Variants in DNAH17 observed in about 807,000 individuals in gnomAD.
DNAH17 encodes the protein dynein axonemal heavy chain 17, also known as axonemal beta dynein heavy chain 17.
DNAH17 carries 376 observed loss-of-function variants against 485.6 expected under a neutral mutation model. The observed-to-expected ratio is 0.77, with a 90% CI of 0.71 to 0.84. The LOEUF is 0.84. DNAH17 is among the 40% of genes least tolerant of loss of function. The probability of loss-of-function intolerance (pLI) is 0.00; values close to 1 mark genes in which losing one functional copy is unlikely to be tolerated. For missense variants in DNAH17, 6,370 were observed against 5,839.3 expected (o/e 1.09, Z -2.96); for synonymous variants, 3,031 against 2,405.9 (o/e 1.26, Z -7.60).
intron 16 of DNAH17, among the ~76,000 whole-genome samples, chr17:78,544,780 C>G (rs947887000): frequency 2.3e-5 from 2 of 88,818 alleles, no homozygotes; most frequent in East Asian, 4.4e-4. Flanking sequence ...CAGCCTGGGG[C>G]ACAGAGCGAG....
chr17:78,478,936 A>G, intron 51 of DNAH17, 89 bp downstream of exon 51: 1 of 1,070,378 alleles, frequency 9.3e-7, no homozygotes, highest in Admixed American at 2.1e-5. Flanking sequence ...ATCAGTCCAC[A>G]CCTCCCTGAG....
chr17:78,425,546 A>AAGTC lies in DNAH17; in HGVS notation c.12937_12940dup (p.Phe4314Ter). 1.9e-6 allele frequency: 3 copies of AAGTC among 1,612,800 alleles called. No homozygotes were observed. The highest frequency in any genetic ancestry group is 2.5e-6 in the Non-Finnish European group (3 of 1,179,300). On this transcript the variant is annotated stop_gained and frameshift_variant, in exon 80 of 81. Transcript: ENST00000389840. LOFTEE classifies it high-confidence loss of function. The stretch of plus-strand genomic sequence containing the variant: ...CAGCCACACGGTGGTGGGCAGGGCA[A>AAGTC]AGTCTGTCGTCCAGGCCTCGAGTTC...
Position 78,549,920 on chromosome 17 carries a change from C to T in DNAH17, c.2391+1615G>A, listed in dbSNP as rs1345344502. Among the ~76,000 whole-genome samples, 4 of 152,238 alleles carry T rather than the reference C, an allele frequency of 2.6e-5. No homozygotes were observed. The East Asian group carries it at 7.7e-4, about 29-fold the overall frequency. ...GGCCTGGTTTCTGGATTTAACAGTTCAGTAGAGGAGAGAGAGAGAACAGCC... is the reference window on the plus strand; with the variant it reads ...GGCCTGGTTTCTGGATTTAACAGTTTAGTAGAGGAGAGAGAGAGAACAGCC... On this transcript the variant is annotated intron_variant, in intron 16 of 80. Transcript: ENST00000389840.
chr17:78,442,078 A>C (rs865799296), intron 71 of DNAH17, among the ~76,000 whole-genome samples: 10 of 48,302 alleles, frequency 2.1e-4, no homozygotes, highest in Middle Eastern at 0.016. Context: ...GCGAGACTCC[A>C]TCTCAGAAAA....
chr17:78,550,469 T>A (rs1368839050), intron 16 of DNAH17, among the ~76,000 whole-genome samples: 1 of 152,240 alleles, frequency 6.6e-6, no homozygotes, highest in Non-Finnish European at 1.5e-5. Context: ...TTTAAAGAGG[T>A]GCTTAAGTTA....
At position 78,551,658 on chromosome 17, in the gene DNAH17, G is replaced by A; in HGVS notation, c.2288-20C>T. ...ACACACCTAAAATGGAAATGTAGAG[G>A]AATCTTACAAAATGAACAATTCAGG... On this transcript the variant is annotated intron_variant, in intron 15 of 80. Coordinates refer to ENST00000389840, the MANE Select transcript of DNAH17 (RefSeq NM_173628.4). The A allele has an allele frequency of 1.2e-6, 2 of 1,611,536 alleles. No homozygotes were observed. The highest frequency in any genetic ancestry group is 1.7e-6 in the Non-Finnish European group (2 of 1,177,800).
chr17:78,449,943 TGA>T, intron 68 of DNAH17: 2 of 474,418 alleles, frequency 4.2e-6, no homozygotes, highest in South Asian at 5.4e-5. Context: ...CCCATAGTGC[TGA>T]GATGACAGGC....
Position 78,525,967 on chromosome 17 carries a change from C to T in DNAH17, c.3711+684G>A, listed in dbSNP as rs1047076106. ...TTCACATTTGCTAGAGCCTGTGAGG[C>T]GGAGGTGCAGGTGGGGCCGACCCAG... On this transcript the variant is annotated intron_variant, in intron 24 of 80. Transcript: ENST00000389840. 1.1e-4 allele frequency among the ~76,000 whole-genome samples: 17 copies of T among 152,332 alleles called. 1 individual carries two copies. Among genetic ancestry groups the T allele is most frequent in the South Asian group, 6.2e-4 (3 of 4,830 alleles).
chr17:78,461,821 G>A (rs960646881), intron 57 of DNAH17, 113 bp from the exon 58 acceptor site: 4 of 1,023,980 alleles, frequency 3.9e-6, no homozygotes, highest in Non-Finnish European at 5.6e-6. Flanking sequence ...GCAGGGCCGT[G>A]TCTTACGACT....
chr17:78,472,778 G>A (rs749339496), intron 54 of DNAH17: 3 of 453,714 alleles, frequency 6.6e-6, no homozygotes, highest in Non-Finnish European at 1.3e-5. Flanking sequence ...CCTTCTCGTC[G>A]CACCTGCCCA....
At chr17:78,494,264 G>C in intron 40 of DNAH17, 91 bp from the exon 41 acceptor site, 1 of 1,518,434 alleles carries the variant, frequency 6.6e-7, no homozygotes, top group Non-Finnish European at 8.8e-7. Context: ...CCCCGTGGGG[G>C]AGATGATAAA....
chr17:78,486,220 T>A lies in DNAH17; in HGVS notation c.7101+4A>T. ...TGGGTGGCCGGGCCCCCCAGGTGCA[T>A]CACCTGGTCCTGGAACATGGCGCCA... On this transcript the variant is annotated splice_donor_region_variant and intron_variant, in intron 45 of 80. Transcript: ENST00000389840. The A allele has an allele frequency of 6.3e-7, 1 of 1,587,270 alleles. No homozygotes were observed. The highest frequency in any genetic ancestry group is 8.6e-7 in the Non-Finnish European group (1 of 1,164,636).
rs2091949619 is a variant in DNAH17, at chr17:78,553,308, T to G, written c.2179-503A>C. Among the ~76,000 whole-genome samples the G allele has an allele frequency of 6.8e-5, 4 of 59,104 alleles. 1 individual carries two copies. Among genetic ancestry groups the G allele is most frequent in the African/African-American group, 2.1e-4 (4 of 19,372 alleles). 38.8% of individuals were successfully genotyped at this position (59,104 alleles called of 152,430 possible). On this transcript the variant is annotated intron_variant, in intron 14 of 80. Coordinates refer to ENST00000389840, the MANE Select transcript of DNAH17 (RefSeq NM_173628.4). ...GTTTTTTTTTTTTTTTTTTTTTTTT[T>G]TTTTTTTTTTTAAGATGGAGTCTCA...
At chr17:78,442,896 A>G (rs941801501) in intron 71 of DNAH17, among the ~76,000 whole-genome samples, 2 of 152,206 alleles carry the variant, frequency 1.3e-5, no homozygotes, top group African/African-American at 4.8e-5. Flanking sequence ...GCCTGACACG[A>G]GACACCCTTG....
At chr17:78,499,415 A>G (rs1002354836) in intron 36 of DNAH17, 8 of 195,618 alleles carry the variant, frequency 4.1e-5, no homozygotes, top group Non-Finnish European at 6.4e-5. Flanking sequence ...TAAACCTTGC[A>G]TGTTTTCTCA....
intron 66 of DNAH17, among the ~76,000 whole-genome samples, chr17:78,451,116 C>G (rs965439047): frequency 6.6e-6 from 1 of 152,240 alleles, no homozygotes; most frequent in Admixed American, 6.5e-5. Flanking sequence ...ATGCAAGTGG[C>G]TATAACAGCC....
At chr17:78,477,978 TCATCAC>T (rs202199542) in intron 51 of DNAH17, among the ~76,000 whole-genome samples, 2 of 118,000 alleles carry the variant, frequency 1.7e-5, no homozygotes, top group African/African-American at 3.9e-5. Flanking sequence ...ACCACCATCA[TCATCAC>T]CACCATCACC....
At position 78,572,840 on chromosome 17, in the gene DNAH17, C is replaced by G; in HGVS notation, c.400G>C (p.Val134Leu). 1.2e-6 allele frequency: 2 copies of G among 1,613,962 alleles called. No homozygotes were observed. The highest frequency in any genetic ancestry group is 1.1e-5 in the South Asian group (1 of 91,068). The change falls in exon 3 of 81, where the codon GTC becomes CTC. Residue 134 changes from valine to leucine, a missense_variant. Val to Leu is a conservative substitution (Grantham distance 32). Coordinates refer to ENST00000389840, the MANE Select transcript of DNAH17 (RefSeq NM_173628.4). Reference sequence around the variant, plus strand: ...ACCTGCTTCACGATGTCTTCCGAGACCACCTGGGGCCATCCAGCCATGTTC... The same window carrying G: ...ACCTGCTTCACGATGTCTTCCGAGAGCACCTGGGGCCATCCAGCCATGTTC... ...SENMAGWPQV[V>L]SEDIVKQVHR...
rs11290299 is a variant in DNAH17, at chr17:78,484,095, CAAAAAAAAAAAAAAAAA to C, written c.7649+756_7649+772del. Among the ~76,000 whole-genome samples the C allele has an allele frequency of 5.5e-4, 21 of 38,398 alleles. No individual in the cohort carries two copies. In the South Asian group the frequency reaches 0.016, roughly 29 times the overall value. 25.2% of individuals were successfully genotyped at this position (38,398 alleles called of 152,430 possible). On this transcript the variant is annotated intron_variant, in intron 48 of 80. Transcript: ENST00000389840. ...TGAGAGACAGAGCGAGATTTCTCCT[CAAAAAAAAAAAAAAAAA>C]AAAAAAAAAAAAAGACAACTGAACT... is the stretch of plus-strand genomic sequence containing the variant.
Sources: allele counts gnomAD v4.1 joint callset (sites outside exome capture counted in the v4.1 genomes callset), GRCh38; gene constraint gnomAD v4.1.1; transcripts MANE v1.5; gene names NCBI Gene and HGNC (gene_info 2026-07-23, HGNC 2026-07-21).